Variants in RYR3 observed in about 807,000 individuals in gnomAD.
RYR3 encodes the protein ryanodine receptor 3.
In RYR3, 207 loss-of-function variants were observed where a neutral mutation model predicts 584.3. The observed-to-expected ratio is 0.35, with a 90% CI of 0.32 to 0.40. The LOEUF is 0.40. Among genes scored for constraint, RYR3 ranks in the 10% least tolerant of loss-of-function variants. The probability of loss-of-function intolerance (pLI) is 1.00; values close to 1 mark genes in which losing one functional copy is unlikely to be tolerated. For synonymous variants in RYR3, 2,416 were observed against 2,248.5 expected (o/e 1.07, Z -2.11); for missense variants, 5,616 against 6,089.2 (o/e 0.92, Z 2.59).
At chr15:33,613,082 C>G in intron 18 of RYR3, 101 bp from the exon 19 acceptor site, 1 of 796,402 alleles carries the variant, frequency 1.3e-6, no homozygotes, top group Admixed American at 2.3e-5. Flanking sequence ...TCTTGAGTAC[C>G]CATCACACCT....
intron 1 of RYR3, among the ~76,000 whole-genome samples, chr15:33,408,236 T>TAA (rs2043157617): frequency 6.6e-6 from 1 of 152,210 alleles, no homozygotes; most frequent in Non-Finnish European, 1.5e-5. Context: ...TAGCTGACAC[T>TAA]TATAAGTGAG....
intron 53 of RYR3, 89 bp from the exon 54 acceptor site, chr15:33,748,025 A>G: frequency 8.0e-7 from 1 of 1,256,692 alleles, no homozygotes; most frequent in Non-Finnish European, 1.2e-6. Flanking sequence ...ACCCCCACCC[A>G]CAGTGGGATG....
At chr15:33,553,264 C>G (rs2056819374) in intron 10 of RYR3, among the ~76,000 whole-genome samples, 1 of 152,196 alleles carries the variant, frequency 6.6e-6, no homozygotes, top group Non-Finnish European at 1.5e-5. Context: ...TGGGAGGACA[C>G]TGGGTGTGCT....
At chr15:33,854,596 A>G in intron 97 of RYR3, 147 bp downstream of exon 97, 1 of 1,059,652 alleles carries the variant, frequency 9.4e-7, no homozygotes, top group Non-Finnish European at 1.4e-6. Flanking sequence ...CACTTATACA[A>G]TGGTATAAGG....
intron 5 of RYR3, among the ~76,000 whole-genome samples, chr15:33,535,517 G>C (rs2055249161): frequency 6.6e-6 from 1 of 152,162 alleles, no homozygotes; most frequent in African/African-American, 2.4e-5. Flanking sequence ...GACCTTGCTG[G>C]AAATTACAAA....
intron 3 of RYR3, among the ~76,000 whole-genome samples, chr15:33,526,238 G>A (rs895081810): frequency 6.6e-6 from 1 of 152,220 alleles, no homozygotes; most frequent in Non-Finnish European, 1.5e-5. Context: ...GTCAGTAATG[G>A]AAATTAATTC....
intron 2 of RYR3, among the ~76,000 whole-genome samples, chr15:33,488,955 T>G (rs1260907507): frequency 6.6e-6 from 1 of 152,206 alleles, no homozygotes; most frequent in African/African-American, 2.4e-5. Context: ...AAGTCATGGT[T>G]ATGACCTTTT....
At chr15:33,821,643 T>G in intron 80 of RYR3, 41 bp downstream of exon 80, 1,773 of 1,575,888 alleles carry the variant, frequency 1.1e-3, no homozygotes, top group Non-Finnish European at 1.4e-3. Flanking sequence ...TCCCGGGGTA[T>G]TCCCATTTGA....
chr15:33,854,492 C>A, intron 97 of RYR3, 43 bp downstream of exon 97: 2 of 1,478,212 alleles, frequency 1.4e-6, no homozygotes, highest in South Asian at 1.2e-5. Context: ...TACCCCAGTT[C>A]AGGGATGCCA....
At chr15:33,736,174 A>G (rs569315395) in intron 48 of RYR3, 61 bp from the exon 49 acceptor site, 45 of 1,106,818 alleles carry the variant, frequency 4.1e-5, no homozygotes, top group South Asian at 1.7e-4. Flanking sequence ...TGTTTCTTTC[A>G]TTCCTCCTTT....
At position 33,618,213 on chromosome 15, in the gene RYR3, C is replaced by T. The variant is rs961434284; in HGVS notation, c.2357+4838C>T. Among the ~76,000 whole-genome samples, 8 of 152,202 alleles carry T rather than the reference C, an allele frequency of 5.3e-5. No homozygotes were observed. In the South Asian group the frequency reaches 1.7e-3, roughly 32 times the overall value. ...AGGCATCATAGAATATATTTTATGG[C>T]TATAGTTAAACTCCCCATAAATCTA... On this transcript the variant is annotated intron_variant, in intron 19 of 103. Transcript: ENST00000634891.
chr15:33,472,435 A>G (rs569785320), intron 1 of RYR3, among the ~76,000 whole-genome samples: 5 of 152,336 alleles, frequency 3.3e-5, no homozygotes, highest in African/African-American at 1.2e-4. Context: ...ACTGAAGGAC[A>G]TGGAGGTGAG....
intron 1 of RYR3, among the ~76,000 whole-genome samples, chr15:33,432,799 C>T (rs376302670): frequency 1.3e-5 from 2 of 151,764 alleles, no homozygotes; most frequent in South Asian, 2.1e-4. Context: ...GGATTACAGG[C>T]GTGAGGCACC....
intron 16 of RYR3, among the ~76,000 whole-genome samples, chr15:33,588,414 C>A (rs1286272748): frequency 1.3e-5 from 2 of 152,140 alleles, no homozygotes; most frequent in South Asian, 2.1e-4. Context: ...TATCTAAATA[C>A]AAAACTTTTG....
intron 1 of RYR3, among the ~76,000 whole-genome samples, chr15:33,363,938 A>G (rs948675896): frequency 1.6e-4 from 25 of 152,312 alleles, no homozygotes; most frequent in African/African-American, 5.8e-4. Flanking sequence ...GTATGTTTGA[A>G]ACTACTTGGA....
chr15:33,769,842 G>T (rs548614720), intron 62 of RYR3, among the ~76,000 whole-genome samples: 29 of 152,176 alleles, frequency 1.9e-4, no homozygotes, highest in African/African-American at 6.7e-4. Flanking sequence ...CCAACTACTC[G>T]GGTGGCTGAG....
At chr15:33,618,693 T>A (rs550356695) in intron 19 of RYR3, among the ~76,000 whole-genome samples, 2 of 152,344 alleles carry the variant, frequency 1.3e-5, no homozygotes, top group African/African-American at 4.8e-5. Context: ...CTGGGAGGAA[T>A]TCGATAGCAG....
chr15:33,427,940 TA>T (rs1157377126), intron 1 of RYR3, among the ~76,000 whole-genome samples: 1 of 152,260 alleles, frequency 6.6e-6, no homozygotes, highest in Non-Finnish European at 1.5e-5. Context: ...TGGGAACTAC[TA>T]TCTTGCTGAA....
At position 33,737,079 on chromosome 15, in the gene RYR3, C is replaced by G. The variant is rs1371725119; in HGVS notation, c.7515+754C>G. Among the ~76,000 whole-genome samples, 2 of 152,028 alleles carry G rather than the reference C, an allele frequency of 1.3e-5. 1 individual carries two copies. The highest frequency in any genetic ancestry group is 2.9e-5 in the Non-Finnish European group (2 of 68,002). On this transcript the variant is annotated intron_variant, in intron 49 of 103. Transcript: ENST00000634891. Reference sequence around the variant, plus strand: ...CTGGCTCTCTTTCTTAACAAAAAGACCACAGACCCCTCTCTTTTATTATTA... The same window carrying G: ...CTGGCTCTCTTTCTTAACAAAAAGAGCACAGACCCCTCTCTTTTATTATTA...
Sources: gnomAD v4.1 joint callset for allele counts (sites outside exome capture counted in the v4.1 genomes callset) on GRCh38, gnomAD v4.1.1 for gene constraint, MANE v1.5 for transcripts, NCBI Gene and HGNC (gene_info 2026-07-23, HGNC 2026-07-21) for gene names.